Variants in SGCD observed in about 807,000 individuals in gnomAD.
SGCD encodes the protein delta-sarcoglycan.
SGCD carries 18 observed loss-of-function variants against 36.6 expected under a neutral mutation model. The ratio of observed to expected loss-of-function variants is 0.49; its 90% CI spans 0.34 to 0.73. The LOEUF (loss-of-function observed/expected upper bound fraction) is 0.73. Among genes scored for constraint, SGCD ranks in the 30% least tolerant of loss-of-function variants. The pLI, the probability that SGCD is intolerant of heterozygous loss-of-function variation, is 0.01. For missense variants in SGCD, 387 were observed against 346.7 expected, an observed-to-expected ratio of 1.12 and a Z score of -0.92; for synonymous variants, 133 against 130.6, an observed-to-expected ratio of 1.02 and a Z score of -0.12.
intron 3 of SGCD, among the ~76,000 whole-genome samples, chr5:156,419,794 C>T (rs1304853439): frequency 6.6e-6 from 1 of 152,124 alleles, no homozygotes; most frequent in African/African-American, 2.4e-5. Flanking sequence ...GGACCTAGGC[C>T]TATTCCCATG....
chr5:155,844,218 T>C, the SGCD span, among the ~76,000 whole-genome samples: 3 of 152,214 alleles, frequency 2.0e-5, no homozygotes, highest in Admixed American at 6.5e-5. Context: ...ACCTCTTCGA[T>C]TGGCTGGGGC....
At chr5:156,297,452 G>A (rs932646590) in intron 3 of SGCD, among the ~76,000 whole-genome samples, 1 of 151,944 alleles carries the variant, frequency 6.6e-6, no homozygotes, top group Non-Finnish European at 1.5e-5. Flanking sequence ...GGAATACTAT[G>A]CAGCCATAAA....
At chr5:156,082,228 A>T (rs1050036570) in intron 1 of SGCD, among the ~76,000 whole-genome samples, 1 of 101,706 alleles carries the variant, frequency 9.8e-6, no homozygotes, top group African/African-American at 3.9e-5. Context: ...TTTGGTAAGG[A>T]GGGTTGAGAG....
chr5:155,965,529 A>G (rs1757885370), intron 1 of SGCD, among the ~76,000 whole-genome samples: 1 of 152,132 alleles, frequency 6.6e-6, no homozygotes, highest in South Asian at 2.1e-4. Context: ...TCAGCATTAC[A>G]CTGAAGGGTG....
chr5:156,269,942 C>G (rs1766129178), intron 3 of SGCD, among the ~76,000 whole-genome samples: 1 of 152,172 alleles, frequency 6.6e-6, no homozygotes, highest in Admixed American at 6.5e-5. Flanking sequence ...TCACGAAATC[C>G]TTGCCTGTGC....
At chr5:156,316,123 A>C (rs1214861150) in intron 3 of SGCD, among the ~76,000 whole-genome samples, 1 of 151,986 alleles carries the variant, frequency 6.6e-6, no homozygotes, top group Non-Finnish European at 1.5e-5. Context: ...AATTTCATAA[A>C]GTTATAGGAT....
At chr5:155,925,179 G>A (rs947118451) in intron 1 of SGCD, among the ~76,000 whole-genome samples, 1 of 151,992 alleles carries the variant, frequency 6.6e-6, no homozygotes, top group Non-Finnish European at 1.5e-5. Flanking sequence ...CTTCTTTCTT[G>A]GAAAGTAAAG....
At chr5:156,263,768 A>G (rs1765929540) in intron 3 of SGCD, among the ~76,000 whole-genome samples, 1 of 152,152 alleles carries the variant, frequency 6.6e-6, no homozygotes, top group Non-Finnish European at 1.5e-5. Context: ...TGACTTTTGT[A>G]TAAGGTGAGA....
intron 3 of SGCD, among the ~76,000 whole-genome samples, chr5:156,378,933 C>T (rs1301268673): frequency 6.6e-6 from 1 of 152,098 alleles, no homozygotes; most frequent in Non-Finnish European, 1.5e-5. Context: ...CCAGATACTG[C>T]CTTTTATGAT....
chr5:156,588,988 T>TTGTGTGTGTGTGTGTGTG (rs113243314), intron 4 of SGCD, among the ~76,000 whole-genome samples: 16 of 143,148 alleles, frequency 1.1e-4, no homozygotes, highest in African/African-American at 3.9e-4. Context: ...GGAATCTATA[T>TTGTGTGTGTGTGTGTGTG]TGTGTGTGTG....
At chr5:156,164,375 G>A (rs1581140215) in intron 3 of SGCD, among the ~76,000 whole-genome samples, 1 of 147,820 alleles carries the variant, frequency 6.8e-6, no homozygotes, top group Non-Finnish European at 1.5e-5. Flanking sequence ...TCCACAGAAT[G>A]TGAATGCCTT....
intron 4 of SGCD, among the ~76,000 whole-genome samples, chr5:156,582,347 C>A (rs1760298882): frequency 6.6e-6 from 1 of 152,116 alleles, no homozygotes; most frequent in Non-Finnish European, 1.5e-5. Flanking sequence ...AGATCTAGTA[C>A]CTTTTGTACT....
chr5:155,781,145 GGTTTCCTAA>G, the SGCD span, among the ~76,000 whole-genome samples: 35 of 152,324 alleles, frequency 2.3e-4, no homozygotes, highest in African/African-American at 7.7e-4. Context: ...AGAGAAGTCA[GGTTTCCTAA>G]AAGTCAAGAA....
intron 3 of SGCD, among the ~76,000 whole-genome samples, chr5:156,400,854 T>C (rs1772109688): frequency 6.6e-6 from 1 of 152,216 alleles, no homozygotes; most frequent in Admixed American, 6.5e-5. Flanking sequence ...CTTGCTGATA[T>C]TGCTCCAAAA....
the SGCD span, among the ~76,000 whole-genome samples, chr5:155,805,232 G>T: frequency 9.0e-4 from 137 of 152,302 alleles, no homozygotes; most frequent in Middle Eastern, 6.8e-3. Flanking sequence ...TCACAGTCTA[G>T]GGAGGATCCA....
intron 3 of SGCD, among the ~76,000 whole-genome samples, chr5:156,491,309 C>A (rs1426763307): frequency 1.3e-5 from 2 of 152,064 alleles, no homozygotes; most frequent in Non-Finnish European, 2.9e-5. Flanking sequence ...TATCAAAATA[C>A]CAATGACACT....
At chr5:155,917,988 G>T (rs1462037214) in intron 1 of SGCD, among the ~76,000 whole-genome samples, 1 of 152,014 alleles carries the variant, frequency 6.6e-6, no homozygotes, top group Non-Finnish European at 1.5e-5. Flanking sequence ...TCTATTTTTT[G>T]GCCACAATTC....
intron 1 of SGCD, among the ~76,000 whole-genome samples, chr5:155,897,012 G>T (rs1052711815): frequency 1.3e-4 from 20 of 152,190 alleles, no homozygotes; most frequent in Non-Finnish European, 2.6e-4. Context: ...TGCTCATAAT[G>T]ATGTTTGGTG....
chr5:156,545,832 C>G (rs933876030), intron 4 of SGCD, among the ~76,000 whole-genome samples: 5 of 152,074 alleles, frequency 3.3e-5, no homozygotes, highest in African/African-American at 1.2e-4. Context: ...GCGGGAAGCC[C>G]AATACTGGGG....
Sources: allele counts gnomAD v4.1 joint callset (sites outside exome capture counted in the v4.1 genomes callset), GRCh38; gene constraint gnomAD v4.1.1; transcripts MANE v1.5; gene names NCBI Gene and HGNC (gene_info 2026-07-23, HGNC 2026-07-21).